Variants in ST8SIA6 observed in about 807,000 individuals in gnomAD.
The protein encoded by ST8SIA6 is alpha-2,8-sialyltransferase 8F.
In ST8SIA6, 39 loss-of-function variants were observed where a neutral mutation model predicts 33.6. That is an observed-to-expected ratio of 1.16 (90% CI 0.90 to 1.52). The LOEUF (loss-of-function observed/expected upper bound fraction) is 1.52, where lower values mean the gene tolerates loss of function less well. Among genes scored for constraint, ST8SIA6 ranks in the 40% most tolerant of loss-of-function variants. ST8SIA6 has a pLI of 0.00. For missense variants in ST8SIA6, 441 were observed against 443.8 expected, an observed-to-expected ratio of 0.99 and a Z score of 0.06; for synonymous variants, 172 against 167.2, an observed-to-expected ratio of 1.03 and a Z score of -0.22.
intron 2 of ST8SIA6, among the ~76,000 whole-genome samples, chr10:17,440,355 G>A (rs569811674): frequency 2.6e-5 from 4 of 151,934 alleles, no homozygotes; most frequent in East Asian, 1.9e-4. Context: ...ACAGGCGCCC[G>A]CCACCATACC....
chr10:17,341,899 T>G (rs1254735186), intron 4 of ST8SIA6, among the ~76,000 whole-genome samples: 1 of 12,638 alleles, frequency 7.9e-5, no homozygotes, highest in Non-Finnish European at 1.3e-4. Flanking sequence ...AGGCTCCATC[T>G]CAAAAAAAAA....
intron 4 of ST8SIA6, among the ~76,000 whole-genome samples, chr10:17,337,007 CG>C (rs1848520642): frequency 6.6e-6 from 1 of 152,086 alleles, no homozygotes; most frequent in Admixed American, 6.5e-5. Flanking sequence ...AACCTCATGA[CG>C]AATTGTAATC....
At chr10:17,332,009 T>G (rs1385015866) in intron 4 of ST8SIA6, among the ~76,000 whole-genome samples, 1 of 152,210 alleles carries the variant, frequency 6.6e-6, no homozygotes, top group East Asian at 1.9e-4. Context: ...TTCTCATTGT[T>G]CAACTCCCAC....
intron 2 of ST8SIA6, among the ~76,000 whole-genome samples, chr10:17,400,651 G>T (rs1331502364): frequency 2.0e-5 from 3 of 152,142 alleles, no homozygotes; most frequent in African/African-American, 7.2e-5. Flanking sequence ...ACGTAATCCA[G>T]CATATAAGCA....
chr10:17,400,940 C>G (rs1478619649), intron 2 of ST8SIA6, among the ~76,000 whole-genome samples: 2 of 152,084 alleles, frequency 1.3e-5, no homozygotes, highest in African/African-American at 2.4e-5. Context: ...GGCAATCAGG[C>G]AGGAGAAAGA....
At chr10:17,340,483 G>C (rs1399359955) in intron 4 of ST8SIA6, among the ~76,000 whole-genome samples, 1 of 152,138 alleles carries the variant, frequency 6.6e-6, no homozygotes, top group East Asian at 1.9e-4. Context: ...AGCTTAGACT[G>C]TGCGGTCCAA....
chr10:17,453,755 G>T (rs1055630130), intron 1 of ST8SIA6, 98 bp from the exon 2 acceptor site: 56 of 936,864 alleles, frequency 6.0e-5, no homozygotes, highest in Non-Finnish European at 7.8e-5. Flanking sequence ...GGGAGATCTC[G>T]CACTCCCCGG....
At chr10:17,434,755 G>A (rs556358500) in intron 2 of ST8SIA6, among the ~76,000 whole-genome samples, 5 of 138,870 alleles carry the variant, frequency 3.6e-5, no homozygotes, top group Non-Finnish European at 5.9e-5. Context: ...ACACACACAC[G>A]GGAAAGGAAA....
At chr10:17,435,588 C>T (rs1852225809) in intron 2 of ST8SIA6, among the ~76,000 whole-genome samples, 1 of 151,746 alleles carries the variant, frequency 6.6e-6, no homozygotes, top group Admixed American at 6.6e-5. Flanking sequence ...GCTAAACTTC[C>T]TTGGTTCTAT....
At chr10:17,390,821 C>T (rs1179707787) in intron 2 of ST8SIA6, among the ~76,000 whole-genome samples, 1 of 133,302 alleles carries the variant, frequency 7.5e-6, no homozygotes, top group Non-Finnish European at 1.5e-5. Context: ...AAAAAACTTA[C>T]GCTGTAAAGT....
chr10:17,419,254 G>A (rs781319231), intron 2 of ST8SIA6, among the ~76,000 whole-genome samples: 19 of 152,038 alleles, frequency 1.2e-4, no homozygotes, highest in Non-Finnish European at 2.6e-4. Context: ...TGGAAGAGCT[G>A]GGGGCAGTGG....
intron 2 of ST8SIA6, among the ~76,000 whole-genome samples, chr10:17,411,246 C>G (rs1371989057): frequency 6.6e-6 from 1 of 151,878 alleles, no homozygotes; most frequent in East Asian, 1.9e-4. Flanking sequence ...GAGTGCAGTG[C>G]GATCTCGGCT....
chr10:17,446,611 C>T (rs748699166), intron 2 of ST8SIA6, among the ~76,000 whole-genome samples: 6 of 151,974 alleles, frequency 3.9e-5, no homozygotes, highest in Non-Finnish European at 7.4e-5. Flanking sequence ...TCCCAGAAAG[C>T]AGAGGAAAAA....
intron 2 of ST8SIA6, among the ~76,000 whole-genome samples, chr10:17,445,954 G>A (rs1470159674): frequency 2.0e-5 from 3 of 152,136 alleles, no homozygotes; most frequent in African/African-American, 2.4e-5. Context: ...TGAAACCAAG[G>A]CATGAGAGCA....
intron 2 of ST8SIA6, among the ~76,000 whole-genome samples, chr10:17,440,593 ACTC>A (rs1280118431): frequency 6.6e-6 from 1 of 151,930 alleles, no homozygotes; most frequent in Admixed American, 6.6e-5. Flanking sequence ...AGTAGACAAA[ACTC>A]CTGTGCACTA....
At chr10:17,421,579 T>A (rs1851782147) in intron 2 of ST8SIA6, among the ~76,000 whole-genome samples, 2 of 148,016 alleles carry the variant, frequency 1.4e-5, no homozygotes, top group Admixed American at 6.7e-5. Flanking sequence ...TAATTTTTTT[T>A]TAAGACTGGG....
intron 4 of ST8SIA6, among the ~76,000 whole-genome samples, chr10:17,346,582 A>G (rs1848841487): frequency 1.3e-5 from 2 of 152,186 alleles, no homozygotes; most frequent in Admixed American, 6.5e-5. Flanking sequence ...TGACAGAGTG[A>G]GATCCTGTCT....
intron 2 of ST8SIA6, among the ~76,000 whole-genome samples, chr10:17,447,029 A>T (rs1451647052): frequency 6.6e-6 from 1 of 150,910 alleles, no homozygotes; most frequent in Non-Finnish European, 1.5e-5. Context: ...TGTCTCAAAA[A>T]AAAAAAAAAA....
chr10:17,420,667 T>G (rs1445850425), intron 2 of ST8SIA6, among the ~76,000 whole-genome samples: 1 of 152,216 alleles, frequency 6.6e-6, no homozygotes, highest in African/African-American at 2.4e-5. Flanking sequence ...CTGGGAGTTT[T>G]GTCTGCTGAT....
Sources: gnomAD v4.1 joint callset for allele counts (sites outside exome capture counted in the v4.1 genomes callset) on GRCh38, gnomAD v4.1.1 for gene constraint, MANE v1.5 for transcripts, NCBI Gene and HGNC (gene_info 2026-07-23, HGNC 2026-07-21) for gene names.